CNTNAP2: variants seen among roughly 807,000 people sequenced by gnomAD.
The protein encoded by CNTNAP2 is contactin-associated protein-like 2.
Under a neutral mutation model 155.2 loss-of-function variants are expected in CNTNAP2, and 98 were observed. The observed-to-expected ratio is 0.63, with a 90% CI of 0.54 to 0.75. The LOEUF (loss-of-function observed/expected upper bound fraction) is 0.75. CNTNAP2 is among the 30% of genes least tolerant of loss of function. The pLI is 0.00. For synonymous variants in CNTNAP2, 651 were observed against 631.2 expected (o/e 1.03, Z -0.47); for missense variants, 1,727 against 1,688.1 (o/e 1.02, Z -0.40).
chr7:147,767,970 G>A (rs770840277), intron 13 of CNTNAP2, among the ~76,000 whole-genome samples: 1 of 152,068 alleles, frequency 6.6e-6, no homozygotes, highest in African/African-American at 2.4e-5. Context: ...CTAGGGTCTG[G>A]ATCCTAGTTC....
chr7:146,594,868 A>G (rs1490245232), intron 1 of CNTNAP2, among the ~76,000 whole-genome samples: 1 of 152,144 alleles, frequency 6.6e-6, no homozygotes, highest in Non-Finnish European at 1.5e-5. Context: ...TTTTTATGAT[A>G]TAAATACACC....
At chr7:148,379,324 C>T (rs760791576) in intron 21 of CNTNAP2, among the ~76,000 whole-genome samples, 8 of 151,960 alleles carry the variant, frequency 5.3e-5, no homozygotes, top group Non-Finnish European at 5.9e-5. Flanking sequence ...GTGAATAGAT[C>T]CCATGGAATA....
chr7:146,707,781 A>C (rs1800991422), intron 1 of CNTNAP2, among the ~76,000 whole-genome samples: 1 of 152,154 alleles, frequency 6.6e-6, no homozygotes, highest in Non-Finnish European at 1.5e-5. Context: ...AGCATTATAC[A>C]TTTGTGTCAT....
At chr7:146,761,330 GAA>G (rs1163944825) in intron 1 of CNTNAP2, among the ~76,000 whole-genome samples, 68 of 144,814 alleles carry the variant, frequency 4.7e-4, no homozygotes, top group Non-Finnish European at 8.4e-4. Flanking sequence ...AGGAAGGAAG[GAA>G]GGAAAATAGG....
intron 8 of CNTNAP2, among the ~76,000 whole-genome samples, chr7:147,134,675 CTCTG>C (rs2129285762): frequency 6.6e-6 from 1 of 151,774 alleles, no homozygotes; most frequent in Non-Finnish European, 1.5e-5. Flanking sequence ...ACATAATTTC[CTCTG>C]TCTTTTAATG....
intron 8 of CNTNAP2, among the ~76,000 whole-genome samples, chr7:147,141,222 G>C (rs1005018176): frequency 6.6e-6 from 1 of 152,066 alleles, no homozygotes; most frequent in Non-Finnish European, 1.5e-5. Flanking sequence ...CACATGCGAA[G>C]ATTTAACAAT....
chr7:147,344,278 A>G (rs1795811576), intron 9 of CNTNAP2, among the ~76,000 whole-genome samples: 1 of 152,140 alleles, frequency 6.6e-6, no homozygotes, highest in Non-Finnish European at 1.5e-5. Context: ...TATTTTAGCA[A>G]AAGACTCTAA....
At chr7:147,835,380 A>G (rs917395292) in intron 13 of CNTNAP2, among the ~76,000 whole-genome samples, 2 of 152,172 alleles carry the variant, frequency 1.3e-5, no homozygotes, top group Admixed American at 1.3e-4. Flanking sequence ...GGGTGAAGAA[A>G]TGAGGCTTGC....
chr7:147,447,802 T>C (rs1797765601), intron 10 of CNTNAP2, among the ~76,000 whole-genome samples: 1 of 151,550 alleles, frequency 6.6e-6, no homozygotes, highest in Admixed American at 6.6e-5. Context: ...TAAATATATA[T>C]AGTATATATA....
intron 8 of CNTNAP2, among the ~76,000 whole-genome samples, chr7:147,258,963 G>GAGGCAC (rs1234123456): frequency 6.6e-6 from 1 of 152,214 alleles, no homozygotes; most frequent in Non-Finnish European, 1.5e-5. Flanking sequence ...AGTGAAAGCA[G>GAGGCAC]AGGCACAGCC....
intron 13 of CNTNAP2, among the ~76,000 whole-genome samples, chr7:147,776,216 C>T (rs1413113875): frequency 6.7e-6 from 1 of 149,546 alleles, no homozygotes; most frequent in African/African-American, 2.5e-5. Context: ...ATACAAAGAA[C>T]TGGATTATTT....
intron 8 of CNTNAP2, among the ~76,000 whole-genome samples, chr7:147,153,272 G>A (rs1801861413): frequency 6.6e-6 from 1 of 152,032 alleles, no homozygotes; most frequent in Non-Finnish European, 1.5e-5. Flanking sequence ...GAACTATAGA[G>A]AGCTTAAACT....
At chr7:147,376,024 C>G (rs1480436705) in intron 9 of CNTNAP2, among the ~76,000 whole-genome samples, 1 of 151,942 alleles carries the variant, frequency 6.6e-6, no homozygotes, top group East Asian at 1.9e-4. Context: ...CTGAGGATAG[C>G]TTTTGTGGTT....
At chr7:146,125,013 T>C (rs773963993) in intron 1 of CNTNAP2, among the ~76,000 whole-genome samples, 15 of 152,176 alleles carry the variant, frequency 9.9e-5, no homozygotes, top group Non-Finnish European at 8.8e-5. Flanking sequence ...GCTAATAAAG[T>C]ATACTTATGA....
chr7:146,899,567 C>T (rs770300483), intron 3 of CNTNAP2, among the ~76,000 whole-genome samples: 22 of 152,150 alleles, frequency 1.4e-4, no homozygotes, highest in Non-Finnish European at 2.9e-5. Context: ...TTCTACCTAA[C>T]AACTTGTAAT....
intron 21 of CNTNAP2, among the ~76,000 whole-genome samples, chr7:148,291,141 G>A (rs553956381): frequency 6.6e-6 from 1 of 152,036 alleles, no homozygotes; most frequent in Middle Eastern, 3.4e-3. Flanking sequence ...AGATCTCTAC[G>A]ATGTGCAAGA....
intron 4 of CNTNAP2, chr7:147,085,915 A>T (rs1800266894): frequency 6.6e-6 from 1 of 152,194 alleles, no homozygotes; most frequent in Non-Finnish European, 1.5e-5. Context: ...TGTAGCTAAG[A>T]CACGCACACG....
At chr7:147,001,704 C>T (rs569166106) in intron 3 of CNTNAP2, among the ~76,000 whole-genome samples, 36 of 151,392 alleles carry the variant, frequency 2.4e-4, no homozygotes, top group African/African-American at 8.0e-4. Flanking sequence ...ATCTTACCAC[C>T]CCATGAGGAT....
chr7:147,196,642 C>T (rs531421302), intron 8 of CNTNAP2, among the ~76,000 whole-genome samples: 1 of 152,306 alleles, frequency 6.6e-6, no homozygotes, highest in African/African-American at 2.4e-5. Flanking sequence ...CTAAGCACTC[C>T]TGACAGTCTT....
Sources: gnomAD v4.1 joint callset for allele counts (sites outside exome capture counted in the v4.1 genomes callset) on GRCh38, gnomAD v4.1.1 for gene constraint, MANE v1.5 for transcripts, NCBI Gene and HGNC (gene_info 2026-07-23, HGNC 2026-07-21) for gene names.